Variants in CP observed in about 807,000 individuals in gnomAD.
The protein encoded by CP is ceruloplasmin.
A neutral mutation model predicts 122.4 loss-of-function variants in CP; 64 were observed. The ratio of observed to expected loss-of-function variants is 0.52; its 90% CI spans 0.43 to 0.64. The LOEUF is 0.64. Among genes scored for constraint, CP ranks in the 30% least tolerant of loss-of-function variants. The pLI, the probability that CP is intolerant of heterozygous loss-of-function variation, is 0.00. For synonymous variants in CP, 440 were observed against 436.4 expected (o/e 1.01, Z -0.10); for missense variants, 1,167 against 1,284.4 (o/e 0.91, Z 1.40).
intron 8 of CP, 40 bp from the exon 9 acceptor site, chr3:149,198,618 C>G (rs1283200681): frequency 6.3e-7 from 1 of 1,577,654 alleles, no homozygotes; most frequent in East Asian, 2.3e-5. Context: ...AGTGTGCTTT[C>G]TAACGTGGTC....
chr3:149,180,771 A>G (rs934701035), intron 14 of CP, among the ~76,000 whole-genome samples: 1 of 152,108 alleles, frequency 6.6e-6, no homozygotes, highest in Non-Finnish European at 1.5e-5. Context: ...CTCTGCTTTT[A>G]CTTATTCTCA....
chr3:149,210,059 C>A (rs116496926), intron 3 of CP, 108 bp downstream of exon 3: 15 of 1,096,244 alleles, frequency 1.4e-5, no homozygotes, highest in Non-Finnish European at 1.9e-5. Context: ...CACCTCTCTA[C>A]CTTACCTGCT....
In CP at chr3:149,186,517, T is replaced by A; in HGVS notation, c.2077+3A>T. ...ATAGAGACTTGGCTTTAAGTAAATA[T>A]ACCCTCTGTGTCAGGCCACATGTGG... On this transcript the variant is annotated splice_donor_region_variant and intron_variant, in intron 11 of 18. Transcript: ENST00000264613. 3.1e-6 allele frequency: 5 copies of A among 1,613,928 alleles called. No homozygotes were observed. The highest frequency in any genetic ancestry group is 4.2e-6 in the Non-Finnish European group (5 of 1,179,780).
chr3:149,209,264 G>C lies in CP; in HGVS notation c.728C>G (p.Pro243Arg), dbSNP rs753890662. Residue 243 changes from proline (P) to arginine (R), a missense_variant, in exon 4 of 19, where the codon CCA becomes CGA. Physicochemically the swap from Pro to Arg is moderately radical, Grantham distance 103. Around this residue, in one of 2 missense-constraint regions of CP, gnomAD observed 642 missense variants for 627.3 expected, o/e 1.02. Coordinates refer to ENST00000264613, the MANE Select transcript of CP (RefSeq NM_000096.4). ...TTCGTTGTCTTTGTCAACTTTCTCT[G>C]GTTCTGAGCAGTAGGTTTTAATGTT... is the stretch of plus-strand genomic sequence containing the variant. The part of the protein sequence containing the change: ...EDNIKTYCSE[P>R]EKVDKDNEDF... 13 of 1,613,578 alleles carry C rather than the reference G, an allele frequency of 8.1e-6. No individual in the cohort carries two copies. The highest frequency in any genetic ancestry group is 1.1e-5 in the Non-Finnish European group (13 of 1,179,768).
chr3:149,200,761 C>T (rs1576763566), intron 7 of CP, among the ~76,000 whole-genome samples: 1 of 151,874 alleles, frequency 6.6e-6, no homozygotes, highest in East Asian at 1.9e-4. Flanking sequence ...CTGCCTGCCT[C>T]GGCCTCCCAA....
Position 149,182,114 on chromosome 3 carries a change from A to G in CP, c.2445T>C (p.Asp815=), listed in dbSNP as rs200501600. 14 of 1,613,936 alleles carry G rather than the reference A, an allele frequency of 8.7e-6. No individual in the cohort carries two copies. The highest frequency in any genetic ancestry group is 1.1e-5 in the Non-Finnish European group (13 of 1,179,992). ...AGATAATTTTGACTTTGTCTCCAAC[A>G]TCTGCATGAAGTTGTGGACCTGGCA... ...LGILGPQLHA[D]VGDKVKIIFK... The change falls in exon 14 of 19, where the codon GAT becomes GAC. Residue 815 remains aspartate, a synonymous_variant. Coordinates refer to ENST00000264613, the MANE Select transcript of CP (RefSeq NM_000096.4).
intron 12 of CP, among the ~76,000 whole-genome samples, chr3:149,184,546 C>T (rs35048481): frequency 0.052 from 7,895 of 152,122 alleles, 660 homozygotes; most frequent in African/African-American, 0.18. Context: ...ATGTGGTCAG[C>T]GCATGATGTA....
intron 2 of CP, among the ~76,000 whole-genome samples, chr3:149,212,116 A>T (rs1415034518): frequency 6.6e-6 from 1 of 151,562 alleles, no homozygotes; most frequent in Non-Finnish European, 1.5e-5. Flanking sequence ...ACACGGTGAA[A>T]CCCCGTCTCT....
At chr3:149,167,536 C>G (rs893829339), downstream of CP, among the ~76,000 whole-genome samples, 1 of 152,152 alleles carries the variant, frequency 6.6e-6, no homozygotes, top group Non-Finnish European at 1.5e-5. Context: ...CTCTGCCATA[C>G]GGTTTTTAGT....
chr3:149,213,322 C>G (rs544151459), intron 1 of CP, among the ~76,000 whole-genome samples: 99 of 152,278 alleles, frequency 6.5e-4, no homozygotes, highest in Admixed American at 1.3e-3. Flanking sequence ...TAATCCCTCA[C>G]TAGTACAGAT....
chr3:149,185,028 A>C, intron 12 of CP: 1 of 579,208 alleles, frequency 1.7e-6, no homozygotes, highest in East Asian at 2.9e-5. Context: ...GGATCAAAGA[A>C]GATAAATGGA....
downstream of CP, among the ~76,000 whole-genome samples, chr3:149,169,171 A>G (rs749941617): frequency 2.0e-5 from 3 of 152,144 alleles, no homozygotes; most frequent in Non-Finnish European, 4.4e-5. Flanking sequence ...CTCACCAGCA[A>G]TATGCCTCTC....
At chr3:149,186,140 A>G (rs760408693) in intron 11 of CP, 1 of 298,518 alleles carries the variant, frequency 3.3e-6, no homozygotes, top group South Asian at 3.7e-5. Context: ...CAACAAGCCA[A>G]CACTACATCT....
At position 149,207,588 on chromosome 3, in the gene CP, G is replaced by C; in HGVS notation, c.811C>G (p.Pro271Ala). ...SVNGYTFGSL[P>A]GLSMCAEDRV... ...TCTTCAGCACACATGGAGAGTCCTG[G>C]GAGACTTCCAAAAGTGTATCCATTC... Residue 271 changes from proline to alanine, a missense_variant, in exon 5 of 19, where the codon CCA becomes GCA. By Grantham distance (27) the Pro-to-Ala change is conservative (BLOSUM62 -1). Coordinates refer to ENST00000264613, the MANE Select transcript of CP (RefSeq NM_000096.4). 6.2e-7 allele frequency: 1 copy of C among 1,613,858 alleles called. No homozygotes were observed. The highest frequency in any genetic ancestry group is 1.7e-5 in the Admixed American group (1 of 60,002).
chr3:149,166,092 A>C (rs1477008936), intron 4 of CP: 1 of 449,248 alleles, frequency 2.2e-6, no homozygotes, highest in Non-Finnish European at 4.5e-6. Context: ...TTAGGACATG[A>C]CCATCTCATC....
At chr3:149,209,135 G>A in intron 4 of CP, 76 bp downstream of exon 4, 1 of 1,564,322 alleles carries the variant, frequency 6.4e-7, no homozygotes, top group South Asian at 1.1e-5. Flanking sequence ...ACTTATTTAT[G>A]TGAGGGAATA....
exon 5 of CP, chr3:149,166,010 G>A (rs1362093531): frequency 2.2e-6 from 1 of 456,156 alleles, no homozygotes; most frequent in African/African-American, 2.0e-5. Context: ...CTGTGATTGG[G>A]TAGATCACAT....
At position 149,221,796 on chromosome 3, in the gene CP, T is replaced by C. The variant is rs377114333; in HGVS notation, c.-4A>G. The C allele has an allele frequency of 1.4e-5, 22 of 1,613,580 alleles. 1 individual carries two copies. The highest frequency in any genetic ancestry group is 3.3e-4 in the Middle Eastern group (2 of 6,080). On this transcript the variant is annotated 5_prime_UTR_variant, in exon 1 of 19. Transcript: ENST00000264613. The stretch of plus-strand genomic sequence containing the variant: ...TACCAAGTATCAAAATCTTCATTTT[T>C]TTCCCCTTCTTGGAGCCTGAGAAGA...
At chr3:149,208,738 A>G (rs552298104) in intron 4 of CP, among the ~76,000 whole-genome samples, 1 of 152,326 alleles carries the variant, frequency 6.6e-6, no homozygotes, top group South Asian at 2.1e-4. Flanking sequence ...AAGTGAACTG[A>G]AATGTAGAAA....
Sources: gnomAD v4.1 joint callset for allele counts (sites outside exome capture counted in the v4.1 genomes callset) on GRCh38, gnomAD v4.1.1 for gene constraint, gnomAD v4.1.1 regional missense constraint, MANE v1.5 for transcripts, NCBI Gene and HGNC (gene_info 2026-07-23, HGNC 2026-07-21) for gene names.